REEP1: variants seen among roughly 807,000 people sequenced by gnomAD.
REEP1 encodes receptor expression-enhancing protein 1.
Under a neutral mutation model 40.3 loss-of-function variants are expected in REEP1, and 22 were observed. The observed-to-expected ratio is 0.55, with a 90% CI of 0.39 to 0.78. The LOEUF is 0.78. Ranked by LOEUF, REEP1 falls within the 30% of genes least tolerant of loss-of-function variation. The pLI is 0.00. For missense variants in REEP1, 280 were observed against 361.1 expected (o/e 0.78, Z 1.82); for synonymous variants, 116 against 139.2 (o/e 0.83, Z 1.17).
At chr2:86,217,183 G>A (rs1381470700) in intron 8 of REEP1, 73 bp from the exon 9 acceptor site, 1 of 1,335,848 alleles carries the variant, frequency 7.5e-7, no homozygotes, top group Non-Finnish European at 1.1e-6. Context: ...GCACCTGGAA[G>A]GCATTGTGTT....
intron 2 of REEP1, among the ~76,000 whole-genome samples, chr2:86,275,611 C>G (rs948251035): frequency 5.3e-5 from 8 of 152,212 alleles, no homozygotes; most frequent in Non-Finnish European, 1.0e-4. Context: ...CCTAGCCAAT[C>G]TGAAATCTGT....
At chr2:86,307,013 T>C (rs1443483108) in intron 1 of REEP1, among the ~76,000 whole-genome samples, 1 of 152,072 alleles carries the variant, frequency 6.6e-6, no homozygotes, top group Non-Finnish European at 1.5e-5. Flanking sequence ...GAGACCAGCC[T>C]GGTCAACATG....
chr2:86,300,885 G>A (rs1573010813), intron 1 of REEP1, among the ~76,000 whole-genome samples: 1 of 152,234 alleles, frequency 6.6e-6, no homozygotes, highest in Middle Eastern at 3.4e-3. Context: ...CACTGGGGCT[G>A]GCCAAGTCCC....
At chr2:86,329,170 C>T (rs1466163294) in intron 1 of REEP1, among the ~76,000 whole-genome samples, 5 of 152,228 alleles carry the variant, frequency 3.3e-5, no homozygotes, top group East Asian at 1.9e-4. Context: ...CGTTCAGATG[C>T]TTCTCTTCTC....
chr2:86,310,179 G>A (rs1397154253), intron 1 of REEP1, among the ~76,000 whole-genome samples: 3 of 152,188 alleles, frequency 2.0e-5, no homozygotes, highest in African/African-American at 7.2e-5. Context: ...ACAGAACTGG[G>A]CACATGCATG....
chr2:86,337,702 CCCAGCCCCCCGGGGCTCGGCG>C (rs1573081608), upstream of REEP1: 1 of 976,704 alleles, frequency 1.0e-6, no homozygotes, highest in East Asian at 1.1e-4. This position sits in a 1 kb window ranked among gnomAD's most constrained non-coding sequence, Gnocchi z 5.8. Context: ...CGGCGGCGGC[CCCAGCCCCCCGGGGCTCGGCG>C]GGCCCGCAGC....
intron 1 of REEP1, among the ~76,000 whole-genome samples, chr2:86,291,946 C>G (rs1405269864): frequency 6.6e-6 from 1 of 152,242 alleles, no homozygotes; most frequent in Middle Eastern, 3.2e-3. Flanking sequence ...TACTGTTCCA[C>G]TCCACAATCC....
intron 1 of REEP1, among the ~76,000 whole-genome samples, chr2:86,286,513 G>T (rs535741583): frequency 6.6e-6 from 1 of 152,024 alleles, no homozygotes; most frequent in African/African-American, 2.4e-5. Flanking sequence ...GACCATCAAG[G>T]GTCATTTTTT....
chr2:86,226,108 C>T (rs1191669027), intron 7 of REEP1, among the ~76,000 whole-genome samples: 3 of 143,284 alleles, frequency 2.1e-5, no homozygotes, highest in African/African-American at 7.8e-5. Flanking sequence ...ACCACCACCA[C>T]CACCACCATC....
chr2:86,226,411 TCCTGTGTC>T lies in REEP1; in HGVS notation c.631+944_631+951del, dbSNP rs1558870388. ...TCAGAGGACCTTAGTCCTCTGAAGT[TCCTGTGTC>T]CTTACCTGGAGCACAAGGAAGTATG... is the stretch of plus-strand genomic sequence containing the variant. On this transcript the variant is annotated intron_variant, in intron 7 of 8. Transcript: ENST00000538924. Among the ~76,000 whole-genome samples, 20 of 66,080 alleles carry T rather than the reference TCCTGTGTC, an allele frequency of 3.0e-4. 3 individuals carry two copies. Among genetic ancestry groups the T allele is most frequent in the South Asian group, 4.8e-4 (1 of 2,084 alleles). 43.4% of individuals were successfully genotyped at this position (66,080 alleles called of 152,430 possible). A position where few individuals can be genotyped will look rare whatever the true frequency, so the allele number is the denominator to read the frequency against.
At chr2:86,333,986 T>C (rs1680889502) in intron 1 of REEP1, among the ~76,000 whole-genome samples, 1 of 152,240 alleles carries the variant, frequency 6.6e-6, no homozygotes, top group Non-Finnish European at 1.5e-5. Flanking sequence ...CCTGTCTTGA[T>C]GCCTGCTGAC....
At chr2:86,337,652 G>A (rs1437984940), upstream of REEP1, 2 of 1,040,292 alleles carry the variant, frequency 1.9e-6, no homozygotes, top group African/African-American at 3.4e-5. This position sits in a 1 kb window ranked among gnomAD's most constrained non-coding sequence, Gnocchi z 5.8. Context: ...CCTGCCCGGC[G>A]TTCGCGCGTT....
chr2:86,263,702 T>A (rs1403382550), intron 3 of REEP1, among the ~76,000 whole-genome samples: 1 of 152,232 alleles, frequency 6.6e-6, no homozygotes, highest in Non-Finnish European at 1.5e-5. Context: ...ACTCCATTAA[T>A]TGAGGATGTG....
At chr2:86,337,986 C>T, upstream of REEP1, 4 of 1,523,100 alleles carry the variant, frequency 2.6e-6, no homozygotes, top group South Asian at 3.6e-5. This position sits in a 1 kb window ranked among gnomAD's most constrained non-coding sequence, Gnocchi z 5.8. Flanking sequence ...GCTGTCATCC[C>T]TCATTCAGCT....
At chr2:86,271,226 A>T (rs56394965) in intron 2 of REEP1, among the ~76,000 whole-genome samples, 63,648 of 151,122 alleles carry the variant, frequency 0.42, 13,755 homozygotes, top group East Asian at 0.57. Context: ...AAACCAACAA[A>T]CCCAAAGAAC....
At chr2:86,231,199 C>T (rs991688077) in intron 6 of REEP1, among the ~76,000 whole-genome samples, 1 of 152,148 alleles carries the variant, frequency 6.6e-6, no homozygotes, top group Admixed American at 6.5e-5. Flanking sequence ...TCCCTGAGGT[C>T]ATTTCCTGTC....
At chr2:86,219,015 TG>T (rs1204950568) in intron 8 of REEP1, among the ~76,000 whole-genome samples, 1 of 152,186 alleles carries the variant, frequency 6.6e-6, no homozygotes, top group Non-Finnish European at 1.5e-5. Flanking sequence ...AGAGAAAGAC[TG>T]GGGTCCCTGC....
intron 6 of REEP1, among the ~76,000 whole-genome samples, chr2:86,230,267 T>A (rs540396805): frequency 4.6e-4 from 70 of 152,348 alleles, no homozygotes; most frequent in Non-Finnish European, 8.7e-4. Context: ...GACACTGCCA[T>A]CTCCCTGCAG....
chr2:86,251,106 C>T (rs543671997), intron 5 of REEP1, among the ~76,000 whole-genome samples: 17 of 152,116 alleles, frequency 1.1e-4, no homozygotes, highest in African/African-American at 3.8e-4. Context: ...CCCTCCACCA[C>T]CAGCCGAATG....
Sources: gnomAD v4.1 joint callset for allele counts (sites outside exome capture counted in the v4.1 genomes callset) on GRCh38, gnomAD v4.1.1 for gene constraint, Gnocchi (gnomAD v3.1) non-coding constraint, MANE v1.5 for transcripts, NCBI Gene and HGNC (gene_info 2026-07-23, HGNC 2026-07-21) for gene names.